INPP4A: variants seen among roughly 807,000 people sequenced by gnomAD.
INPP4A encodes inositol polyphosphate-4-phosphatase, type I, 107kD.
A neutral mutation model predicts 119.8 loss-of-function variants in INPP4A; 33 were observed. The ratio of observed to expected loss-of-function variants is 0.28; its 90% CI spans 0.21 to 0.37. The LOEUF is 0.37. INPP4A is among the 10% of genes least tolerant of loss of function. The probability of loss-of-function intolerance (pLI) is 1.00; values close to 1 mark genes in which losing one functional copy is unlikely to be tolerated. For missense variants in INPP4A, 956 were observed against 1,289.9 expected (o/e 0.74, Z 3.97); for synonymous variants, 496 against 500.7 (o/e 0.99, Z 0.12).
intron 1 of INPP4A, among the ~76,000 whole-genome samples, chr2:98,476,856 G>A (rs1432326224): frequency 6.6e-6 from 1 of 152,170 alleles, no homozygotes; most frequent in African/African-American, 2.4e-5. Context: ...CCTTCTTCAA[G>A]GCCTTGTTTG....
At chr2:98,482,588 C>T (rs552462782) in intron 1 of INPP4A, among the ~76,000 whole-genome samples, 2 of 152,346 alleles carry the variant, frequency 1.3e-5, no homozygotes, top group South Asian at 4.1e-4. Flanking sequence ...GTCACACCTG[C>T]CAGAATGGAG....
At chr2:98,477,155 C>T (rs1677397551) in intron 1 of INPP4A, among the ~76,000 whole-genome samples, 1 of 152,246 alleles carries the variant, frequency 6.6e-6, no homozygotes. Flanking sequence ...GAGCAGGAGA[C>T]TGAGGAGCAG....
At chr2:98,481,988 T>C (rs1255086300) in intron 1 of INPP4A, among the ~76,000 whole-genome samples, 1 of 152,240 alleles carries the variant, frequency 6.6e-6, no homozygotes, top group African/African-American at 2.4e-5. Context: ...CTGTGTACTT[T>C]AAAAGCTCCA....
chr2:98,592,507 T>G lies in INPP4A; in HGVS notation c.*4899T>G, dbSNP rs1391867596. 6.6e-6 allele frequency: 1 copy of G among 152,194 alleles called. No homozygotes were observed. Among genetic ancestry groups the G allele is most frequent in the African/African-American group, 2.4e-5 (1 of 41,450 alleles). 9.4% of individuals were successfully genotyped at this position (152,194 alleles called of 1,614,324 possible). On this transcript the variant is annotated 3_prime_UTR_variant, in exon 25 of 25. Coordinates refer to ENST00000409851, the MANE Select transcript of INPP4A (RefSeq NM_001134225.2). ...CCCTCTTCTCAGAGACCCTGGTTAT[T>G]TCCAAAAGTAGGAAGTAATCAAATT...
chr2:98,524,282 C>T (rs1260547198), intron 4 of INPP4A, among the ~76,000 whole-genome samples: 1 of 152,158 alleles, frequency 6.6e-6, no homozygotes, highest in East Asian at 1.9e-4. Flanking sequence ...GCTGGGATTA[C>T]AGACGATCAG....
At chr2:98,573,002 T>C (rs1697755261) in intron 23 of INPP4A, 75 bp downstream of exon 23, 1 of 1,135,454 alleles carries the variant, frequency 8.8e-7, no homozygotes, top group African/African-American at 1.5e-5. Context: ...CATTACAAAG[T>C]AGAATCTCAG....
chr2:98,491,143 A>C (rs1680660661), intron 1 of INPP4A, among the ~76,000 whole-genome samples: 3 of 152,244 alleles, frequency 2.0e-5, no homozygotes, highest in South Asian at 2.1e-4. Context: ...TTGTATTTCC[A>C]AAAAGGGGGC....
chr2:98,462,165 G>A (rs887364477), intron 1 of INPP4A, among the ~76,000 whole-genome samples: 14 of 152,222 alleles, frequency 9.2e-5, no homozygotes, highest in African/African-American at 3.4e-4. Flanking sequence ...TTACCTTCTA[G>A]TGGCCAGGCG....
Position 98,537,897 on chromosome 2 carries a change from G to A in INPP4A, c.502G>A (p.Val168Met), listed in dbSNP as rs1311251693. ...AESDRVGNITVIGWQMEEKSD... is the reference protein window; with the variant it reads ...AESDRVGNITMIGWQMEEKSD... ...GAGTGACCGTGTAGGTAACATCACC[G>A]TGATTGGCTGGCAGATGGAGGAGAA... The change falls in exon 8 of 25, where the codon GTG (valine) becomes ATG (methionine). Residue 168 changes from valine to methionine, a missense_variant. Coordinates refer to ENST00000409851, the MANE Select transcript of INPP4A (RefSeq NM_001134225.2). The A allele has an allele frequency of 2.5e-6, 4 of 1,612,894 alleles. No homozygotes were observed. Among genetic ancestry groups the A allele is most frequent in the African/African-American group, 1.3e-5 (1 of 74,930 alleles).
intron 1 of INPP4A, among the ~76,000 whole-genome samples, chr2:98,515,453 G>A (rs1414887061): frequency 6.6e-6 from 1 of 151,860 alleles, no homozygotes; most frequent in Non-Finnish European, 1.5e-5. Flanking sequence ...GGGTGGGGTA[G>A]GACGGGATCC....
chr2:98,520,093 T>A lies in INPP4A; in HGVS notation c.45T>A (p.Arg15=). 6.3e-7 allele frequency: 1 copy of A among 1,580,798 alleles called. No individual in the cohort carries two copies. The highest frequency in any genetic ancestry group is 8.6e-7 in the Non-Finnish European group (1 of 1,162,060). Residue 15 remains arginine (R), a synonymous_variant, in exon 3 of 25, where the codon CGT becomes CGA. Coordinates refer to ENST00000409851, the MANE Select transcript of INPP4A (RefSeq NM_001134225.2). The stretch of plus-strand genomic sequence containing the variant: ...GCCCTCGCCATGGTGCCAGGGCCCG[T>A]GCAATGCAGCGGGCTTCCACCATCG... ...EHSPRHGARA[R]AMQRASTIDV... is the part of the protein sequence containing the mutation.
chr2:98,559,607 AT>A (rs755131855), intron 17 of INPP4A, 112 bp downstream of exon 17: 6 of 1,146,796 alleles, frequency 5.2e-6, no homozygotes, highest in Non-Finnish European at 7.6e-6. Flanking sequence ...TTGGGAAAGT[AT>A]TCCAGGACCT....
chr2:98,445,111 G>T, intron 1 of INPP4A, 26 bp downstream of exon 1: 1 of 150,520 alleles, frequency 6.6e-6, no homozygotes, highest in South Asian at 1.8e-4. Context: ...CGGGCAGGAG[G>T]CGACGCGGCC....
chr2:98,542,822 CTTCTGTTACCCT>C (rs1691726707), intron 10 of INPP4A, among the ~76,000 whole-genome samples: 1 of 151,992 alleles, frequency 6.6e-6, no homozygotes, highest in Admixed American at 6.6e-5. Context: ...CCCCTTCCCC[CTTCTGTTACCCT>C]GTGCCTCTGT....
intron 10 of INPP4A, among the ~76,000 whole-genome samples, chr2:98,539,897 A>T (rs1691076774): frequency 6.6e-6 from 1 of 152,172 alleles, no homozygotes; most frequent in East Asian, 1.9e-4. Context: ...TTGAACCCAG[A>T]TGTGTGCCCC....
intron 13 of INPP4A, among the ~76,000 whole-genome samples, chr2:98,547,430 C>A (rs189283319): frequency 6.6e-6 from 1 of 152,080 alleles, no homozygotes; most frequent in Non-Finnish European, 1.5e-5. Context: ...TCCACCCAGC[C>A]CCCAGGGGTG....
At chr2:98,586,702 C>T (rs1699994320) in intron 24 of INPP4A, among the ~76,000 whole-genome samples, 1 of 152,212 alleles carries the variant, frequency 6.6e-6, no homozygotes, top group Admixed American at 6.5e-5. Context: ...TCAGATGCAG[C>T]TGAGGATGAC....
intron 1 of INPP4A, among the ~76,000 whole-genome samples, chr2:98,464,482 GA>G (rs1674332218): frequency 6.6e-6 from 1 of 152,208 alleles, no homozygotes; most frequent in African/African-American, 2.4e-5. Context: ...CTCTTTGCAT[GA>G]GTCAAGCTGA....
chr2:98,516,913 T>A (rs547196067), intron 1 of INPP4A, among the ~76,000 whole-genome samples: 1 of 152,344 alleles, frequency 6.6e-6, no homozygotes, highest in African/African-American at 2.4e-5. Context: ...GGCTATTTCT[T>A]TAAAAACACA....
Sources: allele counts gnomAD v4.1 joint callset (sites outside exome capture counted in the v4.1 genomes callset), GRCh38; gene constraint gnomAD v4.1.1; transcripts MANE v1.5; gene names NCBI Gene and HGNC (gene_info 2026-07-23, HGNC 2026-07-21).